The following FGF12 variants were observed in gnomAD, a reference collection of about 807,000 sequenced individuals.
The protein encoded by FGF12 is fibroblast growth factor 12, also known as fibroblast growth factor 12B.
FGF12 carries 14 observed loss-of-function variants against 23.6 expected under a neutral mutation model. The ratio of observed to expected loss-of-function variants is 0.59; its 90% confidence interval spans 0.39 to 0.93. FGF12 has a LOEUF of 0.93. Ranked by LOEUF, FGF12 falls within the 40% of genes least tolerant of loss-of-function variation. FGF12 has a pLI of 0.00. For synonymous variants in FGF12, 62 were observed against 77.3 expected, an observed-to-expected ratio of 0.80 and a Z score of 1.04; for missense variants, 175 against 217.8, an observed-to-expected ratio of 0.80 and a Z score of 1.24.
At chr3:192,226,092 C>A (rs995711884) in intron 4 of FGF12, among the ~76,000 whole-genome samples, 2 of 152,060 alleles carry the variant, frequency 1.3e-5, no homozygotes, top group Non-Finnish European at 2.9e-5. Context: ...TAGCTCCTCA[C>A]CACCTGCAAA....
At chr3:192,662,258 GT>G (rs1171376928) in intron 2 of FGF12, among the ~76,000 whole-genome samples, 1 of 152,152 alleles carries the variant, frequency 6.6e-6, no homozygotes, top group Non-Finnish European at 1.5e-5. Flanking sequence ...TCCTCCAGAG[GT>G]AATATCCTTG....
intron 2 of FGF12, among the ~76,000 whole-genome samples, chr3:192,400,664 G>A (rs73070517): frequency 0.05 from 7,655 of 152,000 alleles, 611 homozygotes; most frequent in African/African-American, 0.17. Context: ...ACCGCACCCC[G>A]TCCCCACCTT....
At chr3:192,454,473 A>G (rs779184844) in intron 2 of FGF12, among the ~76,000 whole-genome samples, 7 of 152,220 alleles carry the variant, frequency 4.6e-5, no homozygotes, top group Non-Finnish European at 1.0e-4. Context: ...TAGAAATGTT[A>G]TGCACTCAAA....
intron 4 of FGF12, among the ~76,000 whole-genome samples, chr3:192,251,847 G>C (rs1712033475): frequency 6.6e-6 from 1 of 152,092 alleles, no homozygotes; most frequent in Admixed American, 6.6e-5. Flanking sequence ...AGCTTTGTCT[G>C]TGAAGGGGCA....
chr3:192,181,298 G>A (rs531866335), intron 4 of FGF12, among the ~76,000 whole-genome samples: 13 of 151,796 alleles, frequency 8.6e-5, no homozygotes, highest in East Asian at 3.9e-4. Flanking sequence ...AAGTGAGCAC[G>A]TCCTCATCCC....
At chr3:192,709,934 G>T (rs1201840745) in intron 2 of FGF12, among the ~76,000 whole-genome samples, 1 of 152,180 alleles carries the variant, frequency 6.6e-6, no homozygotes, top group African/African-American at 2.4e-5. Context: ...CCAACTCATG[G>T]CAATATGCAT....
chr3:192,585,670 T>TTTC (rs1389210108), intron 2 of FGF12, among the ~76,000 whole-genome samples: 4 of 152,074 alleles, frequency 2.6e-5, no homozygotes, highest in Admixed American at 6.6e-5. Flanking sequence ...CTCAGCCTTA[T>TTTC]CTTGCCATCC....
At chr3:192,433,016 A>G (rs1361969331) in intron 2 of FGF12, among the ~76,000 whole-genome samples, 2 of 152,188 alleles carry the variant, frequency 1.3e-5, no homozygotes, top group Non-Finnish European at 2.9e-5. Context: ...GGTACCCTTC[A>G]GATCGTCAAA....
intron 3 of FGF12, among the ~76,000 whole-genome samples, chr3:192,343,326 A>C (rs13090561): frequency 0.22 from 34,012 of 152,062 alleles, 4,047 homozygotes; most frequent in Admixed American, 0.29. Flanking sequence ...CCACATCTCA[A>C]AATGTTCTCA....
intron 4 of FGF12, among the ~76,000 whole-genome samples, chr3:192,235,230 G>A (rs1392257304): frequency 6.6e-6 from 1 of 152,146 alleles, no homozygotes; most frequent in South Asian, 2.1e-4. Context: ...CTCGTTATTG[G>A]CCTGTTCAGG....
chr3:192,352,098 T>C (rs932431664), intron 3 of FGF12, among the ~76,000 whole-genome samples: 4 of 152,324 alleles, frequency 2.6e-5, no homozygotes, highest in South Asian at 2.1e-4. Flanking sequence ...TGTCCAGAAT[T>C]GAGCCTTGAC....
Position 192,455,292 on chromosome 3 carries a change from G to A in FGF12, c.14-94754C>T, listed in dbSNP as rs560453637. On this transcript the variant is annotated intron_variant, in intron 2 of 5. Coordinates refer to ENST00000445105, the MANE Select transcript of FGF12 (RefSeq NM_004113.6). ...TCTCTGAGCCTCTTAGGTTTCTGAT[G>A]ACTCTGTCACTCTAGTTCTCAACTC... 1.6e-4 allele frequency among the ~76,000 whole-genome samples: 25 copies of A among 152,266 alleles called. No homozygotes were observed. In the South Asian group the frequency reaches 4.1e-3, roughly 25 times the overall value.
chr3:192,689,686 AT>A (rs1242651116), intron 2 of FGF12, among the ~76,000 whole-genome samples: 1 of 152,002 alleles, frequency 6.6e-6, no homozygotes, highest in Non-Finnish European at 1.5e-5. Context: ...CAAGAGAGCT[AT>A]TTTTTGCATA....
chr3:192,420,339 C>T (rs551745125), intron 2 of FGF12, among the ~76,000 whole-genome samples: 13 of 152,234 alleles, frequency 8.5e-5, no homozygotes, highest in South Asian at 4.1e-4. Context: ...TTATTTCCCA[C>T]GAGATCTACC....
intron 4 of FGF12, among the ~76,000 whole-genome samples, chr3:192,328,343 A>G (rs1045086852): frequency 6.6e-6 from 1 of 152,232 alleles, no homozygotes; most frequent in Non-Finnish European, 1.5e-5. Context: ...GGGATCAAGC[A>G]CATGCGCAAT....
Position 192,254,382 on chromosome 3 carries a change from T to C in FGF12, c.228+80979A>G, listed in dbSNP as rs143584809. On this transcript the variant is annotated intron_variant, in intron 4 of 5. Coordinates refer to ENST00000445105, the MANE Select transcript of FGF12 (RefSeq NM_004113.6). ...TTTATTAAGGCTGAAGTGTATTTCA[T>C]TGTGCATATATACTACATTTTCTGT... Among the ~76,000 whole-genome samples the C allele has an allele frequency of 4.1e-3, 624 of 152,056 alleles. 4 individuals carry two copies. Among genetic ancestry groups the C allele is most frequent in the African/African-American group, 0.015 (603 of 41,526 alleles).
chr3:192,400,296 G>A (rs886848723), intron 2 of FGF12, among the ~76,000 whole-genome samples: 5 of 151,796 alleles, frequency 3.3e-5, no homozygotes, highest in Non-Finnish European at 4.4e-5. Flanking sequence ...AAAGTAAACA[G>A]CCTTATATAT....
intron 2 of FGF12, among the ~76,000 whole-genome samples, chr3:192,548,413 A>AG (rs1157604061): frequency 1.3e-5 from 2 of 152,176 alleles, no homozygotes; most frequent in Admixed American, 6.5e-5. Flanking sequence ...AATGGAAAAA[A>AG]CTGAGGCATA....
intron 4 of FGF12, among the ~76,000 whole-genome samples, chr3:192,277,522 T>C (rs1713866480): frequency 6.6e-6 from 1 of 152,178 alleles, no homozygotes; most frequent in Non-Finnish European, 1.5e-5. Flanking sequence ...CTATAGGGTA[T>C]TCACATGAAG....
Sources: gnomAD v4.1 joint callset for allele counts (sites outside exome capture counted in the v4.1 genomes callset) on GRCh38, gnomAD v4.1.1 for gene constraint, MANE v1.5 for transcripts, NCBI Gene and HGNC (gene_info 2026-07-23, HGNC 2026-07-21) for gene names.